Variants in TRIO observed in about 807,000 individuals in gnomAD.
TRIO encodes triple functional domain protein.
A neutral mutation model predicts 351.9 loss-of-function variants in TRIO; 58 were observed. The observed-to-expected ratio is 0.16, with a 90% CI of 0.13 to 0.21. TRIO has a LOEUF of 0.21. TRIO is among the 10% of genes least tolerant of loss of function. The probability of loss-of-function intolerance (pLI) is 1.00; values close to 1 mark genes in which losing one functional copy is unlikely to be tolerated. For missense variants in TRIO, 3,201 were observed against 4,027.8 expected, an observed-to-expected ratio of 0.79 and a Z score of 5.56; for synonymous variants, 1,758 against 1,595.7, an observed-to-expected ratio of 1.10 and a Z score of -2.42.
At chr5:14,471,274 G>A (rs1455282618) in intron 37 of TRIO, 44 bp from the exon 38 acceptor site, 8 of 1,587,490 alleles carry the variant, frequency 5.0e-6, no homozygotes, top group Non-Finnish European at 6.9e-6. Flanking sequence ...GCCAATCATG[G>A]GCTGTGGGCA....
intron 11 of TRIO, among the ~76,000 whole-genome samples, chr5:14,343,607 G>A (rs973679410): frequency 6.6e-6 from 1 of 151,976 alleles, no homozygotes; most frequent in Non-Finnish European, 1.5e-5. Flanking sequence ...CCTCTTTATT[G>A]CTGAGTGGTA....
intron 1 of TRIO, among the ~76,000 whole-genome samples, chr5:14,246,973 CT>C (rs973674975): frequency 9.2e-5 from 14 of 152,236 alleles, no homozygotes; most frequent in African/African-American, 3.1e-4. Flanking sequence ...GCAGGCAGTC[CT>C]CCTGGCCTCG....
At chr5:14,356,003 A>T (rs1172892230) in intron 11 of TRIO, among the ~76,000 whole-genome samples, 1 of 152,214 alleles carries the variant, frequency 6.6e-6, no homozygotes, top group African/African-American at 2.4e-5. Flanking sequence ...GATAACTTAG[A>T]CACAAAAAAT....
At chr5:14,270,639 A>C (rs112731765) in intron 1 of TRIO, among the ~76,000 whole-genome samples, 186 bp from the exon 2 acceptor site, 2 of 152,200 alleles carry the variant, frequency 1.3e-5, no homozygotes, top group Admixed American at 1.3e-4. Flanking sequence ...AAATCATTAA[A>C]CATTAAAATA....
rs148938868 is a variant in TRIO, at chr5:14,507,166, G to A, written c.8657G>A (p.Ser2886Asn). 1.2e-6 allele frequency: 2 copies of A among 1,612,250 alleles called. No homozygotes were observed. The highest frequency in any genetic ancestry group is 1.3e-5 in the African/African-American group (1 of 74,868). Reference sequence around the variant, plus strand: ...CTGGACTGCGTGGTGCGATGGGGAAGCCTCACTGAAGGGAAGATCAGGGCG... The same window carrying A: ...CTGGACTGCGTGGTGCGATGGGGAAACCTCACTGAAGGGAAGATCAGGGCG... The part of the protein sequence containing the change: ...RLLDCVVRWG[S>N]LTEGKIRAHL... Residue 2886 changes from serine to asparagine, a missense_variant, in exon 56 of 57, where the codon AGC becomes AAC. Coordinates refer to ENST00000344204, the MANE Select transcript of TRIO (RefSeq NM_007118.4).
rs528681489 is a variant in TRIO at position 14,397,414 on chromosome 5, C to A, written c.4423+260C>A. 2.4e-4 allele frequency: 88 copies of A among 364,532 alleles called. No homozygotes were observed. In the South Asian group the frequency reaches 2.9e-3, roughly 12 times the overall value. 22.6% of individuals were successfully genotyped at this position (364,532 alleles called of 1,614,324 possible). A position where few individuals can be genotyped will look rare whatever the true frequency, so the allele number is the denominator to read the frequency against. On this transcript the variant is annotated intron_variant, in intron 29 of 56. Coordinates refer to ENST00000344204, the MANE Select transcript of TRIO (RefSeq NM_007118.4). ...CTCCAATAGCACTTTGTGTCGCTTG[C>A]TGCAGGCCACCTGTTCTCCCTGTTA...
At chr5:14,183,269 G>A (rs981754446) in intron 1 of TRIO, among the ~76,000 whole-genome samples, 1 of 152,134 alleles carries the variant, frequency 6.6e-6, no homozygotes, top group African/African-American at 2.4e-5. Context: ...TGGGACGTAT[G>A]TTGTGCCCTT....
chr5:14,318,909 G>A (rs1335794914), intron 9 of TRIO, among the ~76,000 whole-genome samples: 1 of 152,164 alleles, frequency 6.6e-6, no homozygotes, highest in African/African-American at 2.4e-5. Flanking sequence ...GCAGCAGCAA[G>A]GGCACCCCCT....
At chr5:14,214,387 C>G (rs571230393) in intron 1 of TRIO, among the ~76,000 whole-genome samples, 1 of 152,252 alleles carries the variant, frequency 6.6e-6, no homozygotes, top group Admixed American at 6.5e-5. Flanking sequence ...GTCCAAGACT[C>G]ACAGATGTTT....
chr5:14,393,402 C>G (rs12109453), intron 27 of TRIO, among the ~76,000 whole-genome samples: 15,730 of 152,210 alleles, frequency 0.1, 1,311 homozygotes, highest in African/African-American at 0.23. Context: ...CCCTTATGCC[C>G]TAAAACATGT....
intron 34 of TRIO, among the ~76,000 whole-genome samples, chr5:14,446,276 C>T (rs936404724): frequency 6.6e-6 from 1 of 152,138 alleles, no homozygotes; most frequent in African/African-American, 2.4e-5. Context: ...TCTCCCCAGG[C>T]ACTGGCAGCA....
At chr5:14,275,941 TATATATATAC>T (rs1186624778) in intron 2 of TRIO, among the ~76,000 whole-genome samples, 595 of 148,026 alleles carry the variant, frequency 4.0e-3, no homozygotes, top group East Asian at 0.014. Context: ...TATGTGTGTC[TATATATATAC>T]ATATATATAC....
chr5:14,421,062 T>C (rs1213036676), intron 34 of TRIO, among the ~76,000 whole-genome samples: 2 of 152,134 alleles, frequency 1.3e-5, no homozygotes, highest in Non-Finnish European at 2.9e-5. Flanking sequence ...GATATTCTTG[T>C]ACCTGGAAAG....
chr5:14,172,693 T>C (rs1002136238), intron 1 of TRIO, among the ~76,000 whole-genome samples: 2 of 152,246 alleles, frequency 1.3e-5, no homozygotes, highest in Non-Finnish European at 2.9e-5. Flanking sequence ...GAAGGCTTTT[T>C]CAAGACCATT....
chr5:14,396,975 T>G, intron 28 of TRIO, 68 bp from the exon 29 acceptor site: 2 of 1,363,868 alleles, frequency 1.5e-6, no homozygotes, highest in Non-Finnish European at 2.0e-6. Flanking sequence ...CATAAACTGT[T>G]TCTGCCAAGG....
intron 1 of TRIO, among the ~76,000 whole-genome samples, chr5:14,186,611 T>C (rs551857067): frequency 6.6e-6 from 1 of 152,134 alleles, no homozygotes; most frequent in South Asian, 2.1e-4. Context: ...GTAGTCTCAC[T>C]GTGTTGCCCA....
intron 1 of TRIO, among the ~76,000 whole-genome samples, chr5:14,163,255 G>A (rs6554845): frequency 0.25 from 37,400 of 152,076 alleles, 4,797 homozygotes; most frequent in Middle Eastern, 0.3. Flanking sequence ...TTACTTATAA[G>A]TGAGAACATG....
In TRIO at chr5:14,487,510, C is replaced by G. The variant is rs1561547034; in HGVS notation, c.6882C>G (p.Gly2294=). ...IEYQRNHSGG[G]GGGGSGGSGG... ...ACCAGAGGAACCACAGCGGGGGCGG[C>G]GGCGGCGGCGGCAGCGGGGGCAGCG... The change falls in exon 48 of 57, where the codon GGC becomes GGG. Residue 2294 remains glycine, a synonymous_variant. Coordinates refer to ENST00000344204, the MANE Select transcript of TRIO (RefSeq NM_007118.4). 6 of 967,358 alleles carry G rather than the reference C, an allele frequency of 6.2e-6. No homozygotes were observed. The highest frequency in any genetic ancestry group is 7.7e-6 in the Non-Finnish European group (6 of 780,746). The allele number at this position is 967,358 out of a possible 1,614,324, so 59.9% of individuals were successfully genotyped here.
At chr5:14,456,027 G>A (rs910229984) in intron 34 of TRIO, among the ~76,000 whole-genome samples, 30 of 152,264 alleles carry the variant, frequency 2.0e-4, no homozygotes, top group African/African-American at 6.8e-4. Context: ...GGTGGCTGAG[G>A]CCTGGCGAGA....
Sources: allele counts gnomAD v4.1 joint callset (sites outside exome capture counted in the v4.1 genomes callset), GRCh38; gene constraint gnomAD v4.1.1; transcripts MANE v1.5; gene names NCBI Gene and HGNC (gene_info 2026-07-23, HGNC 2026-07-21).